The following MRPL4 variants were observed in gnomAD, a reference collection of about 807,000 sequenced individuals.
MRPL4 encodes mitochondrial ribosomal protein L4, also known as large ribosomal subunit protein uL4m.
Under a neutral mutation model 34.1 loss-of-function variants are expected in MRPL4, and 34 were observed. That is an observed-to-expected ratio of 1.00 (90% CI 0.76 to 1.33). The LOEUF (loss-of-function observed/expected upper bound fraction) is 1.33. Ranked by LOEUF, MRPL4 falls within the 40% of genes most tolerant of loss-of-function variation. The pLI, the probability that MRPL4 is intolerant of heterozygous loss-of-function variation, is 0.00. For missense variants in MRPL4, 402 were observed against 434.6 expected (o/e 0.92, Z 0.67); for synonymous variants, 196 against 188.3 (o/e 1.04, Z -0.33).
At chr19:10,258,188 GC>G in intron 5 of MRPL4, 33 bp from the exon 6 acceptor site, 1 of 1,487,160 alleles carries the variant, frequency 6.7e-7, no homozygotes. Context: ...CTCTGCAGTG[GC>G]CCCTACCTGC....
chr19:10,257,158 G>A (rs988407216), intron 5 of MRPL4, among the ~76,000 whole-genome samples: 2 of 151,978 alleles, frequency 1.3e-5, no homozygotes, highest in African/African-American at 4.8e-5. Flanking sequence ...CTAAATCGTG[G>A]AACCTGAACT....
At chr19:10,259,236 C>T (rs1163132834) in intron 8 of MRPL4, 33 of 1,326,468 alleles carry the variant, frequency 2.5e-5, no homozygotes, top group Admixed American at 1.5e-4. Flanking sequence ...TCGCTGGCTT[C>T]CCCACCTCTC....
At position 10,259,730 on chromosome 19, in the gene MRPL4, C is replaced by G; in HGVS notation, c.853C>G (p.Pro285Ala). 6.2e-7 allele frequency: 1 copy of G among 1,614,052 alleles called. No individual in the cohort carries two copies. The highest frequency in any genetic ancestry group is 1.6e-4 in the Middle Eastern group (1 of 6,062). The change falls in exon 9 of 9, where the codon CCC becomes GCC. Residue 285 changes from proline (P) to alanine (A), a missense_variant. Transcript: ENST00000253099. Reference sequence around the variant, plus strand: ...GGACTCACGTTACAGACCCCTCTACCCCTTCAGCCTGCCCTACAGCGACTT... The same window carrying G: ...GGACTCACGTTACAGACCCCTCTACGCCTTCAGCCTGCCCTACAGCGACTT... ...WQDSRYRPLY[P>A]FSLPYSDFPR...
intron 8 of MRPL4, 38 bp downstream of exon 8, chr19:10,258,723 C>T: frequency 6.2e-7 from 1 of 1,614,004 alleles, no homozygotes; most frequent in Non-Finnish European, 8.5e-7. Flanking sequence ...TGCGCATGTG[C>T]AGGCTCCGCT....
chr19:10,257,571 G>A (rs1452854692), intron 5 of MRPL4, among the ~76,000 whole-genome samples: 1 of 152,134 alleles, frequency 6.6e-6, no homozygotes, highest in Non-Finnish European at 1.5e-5. Flanking sequence ...CTTCTCTGCT[G>A]CATTTCCAAG....
At chr19:10,254,495 C>G (rs867940638) in intron 3 of MRPL4, 94 bp from the exon 4 acceptor site, 13 of 1,484,674 alleles carry the variant, frequency 8.8e-6, no homozygotes, top group South Asian at 8.3e-5. Flanking sequence ...GCCCAGGGCC[C>G]TGGAGGCAGA....
rs764935855 is a variant in MRPL4 at position 10,256,683 on chromosome 19, A to AC, written c.328-19dup. On this transcript the variant is annotated intron_variant, in intron 4 of 8. Transcript: ENST00000253099. ...CCCTGACACCTGCCTCGTGGACCTG[A>AC]CCCCCCTCCTCTTTGTGCCTCCAGA... 17 of 1,602,176 alleles carry AC rather than the reference A, an allele frequency of 1.1e-5. No homozygotes were observed. In the African/African-American group the frequency reaches 1.1e-4, roughly 10 times the overall value.
At chr19:10,252,034 G>A (rs1053652446), upstream of MRPL4, 43 of 559,740 alleles carry the variant, frequency 7.7e-5, no homozygotes, top group Non-Finnish European at 1.1e-4. Flanking sequence ...TGTTACGGAG[G>A]GTCCTTGAGG....
upstream of MRPL4, chr19:10,252,205 C>A (rs2039796743): frequency 6.6e-7 from 1 of 1,522,392 alleles, no homozygotes; most frequent in Non-Finnish European, 8.8e-7. Context: ...CGGCGCCTCG[C>A]GAGGCTCCAG....
In MRPL4 at chr19:10,256,926, G is replaced by T. The variant is rs569697437; in HGVS notation, c.445+101G>T. ...CTGCGCACATCTGGCATGGTATTAT[G>T]TCAGCCCTGTTCCCTCCACCTCATG... is the stretch of plus-strand genomic sequence containing the variant. On this transcript the variant is annotated intron_variant, in intron 5 of 8. Transcript: ENST00000253099. 5 of 996,742 alleles carry T rather than the reference G, an allele frequency of 5.0e-6. No individual in the cohort carries two copies. The African/African-American group carries it at 8.5e-5, about 17-fold the overall frequency. The allele number at this position is 996,742 out of a possible 1,614,324, so 61.7% of individuals were successfully genotyped here.
At chr19:10,252,131 C>A, upstream of MRPL4, 1 of 1,267,552 alleles carries the variant, frequency 7.9e-7, no homozygotes, top group African/African-American at 1.6e-5. Context: ...CGGTTTTGCA[C>A]ACCCCGCTTT....
intron 3 of MRPL4, among the ~76,000 whole-genome samples, chr19:10,253,485 A>AAAAAG (rs1791673929): frequency 6.7e-6 from 1 of 150,256 alleles, no homozygotes; most frequent in African/African-American, 2.5e-5. Flanking sequence ...AAAAAAAAAA[A>AAAAAG]AAAGAAAGAA....
rs772458861 is a variant in MRPL4, at chr19:10,259,598, GC to G, written c.740-14del. On this transcript the variant is annotated intron_variant, in intron 8 of 8. Transcript: ENST00000253099. The stretch of plus-strand genomic sequence containing the variant: ...CCCGGCCTGACCGGCCCCCCGCCCC[GC>G]CCCCACCCCGCCCCCAGGCCTAAAT... 1 of 642,516 alleles carries G rather than the reference GC, an allele frequency of 1.6e-6. No individual in the cohort carries two copies. The highest frequency in any genetic ancestry group is 1.9e-6 in the Non-Finnish European group (1 of 530,684). 39.8% of individuals were successfully genotyped at this position (642,516 alleles called of 1,614,324 possible). A position where few individuals can be genotyped will look rare whatever the true frequency, so the allele number is the denominator to read the frequency against.
Position 10,252,481 on chromosome 19 carries a change from G to A in MRPL4, c.124+18G>A, listed in dbSNP as rs1180339591. On this transcript the variant is annotated intron_variant, in intron 2 of 8. Transcript: ENST00000253099. Reference sequence around the variant, plus strand: ...GAGCGAGGGTAAGGCAACCGGGGTGGCTCCAGGAGGGGCGGCGACAGAGAG... The same window carrying A: ...GAGCGAGGGTAAGGCAACCGGGGTGACTCCAGGAGGGGCGGCGACAGAGAG... 3 of 1,613,930 alleles carry A rather than the reference G, an allele frequency of 1.9e-6. No homozygotes were observed. Among genetic ancestry groups the A allele is most frequent in the Non-Finnish European group, 2.5e-6 (3 of 1,179,926 alleles).
rs755249260 is a variant in MRPL4 at position 10,252,538 on chromosome 19, G to T, written c.125-13G>T. On this transcript the variant is annotated splice_polypyrimidine_tract_variant and intron_variant, in intron 2 of 8. Coordinates refer to ENST00000253099, the MANE Select transcript of MRPL4 (RefSeq NM_015956.3). ...CCCTTGACCCTAACCTCTGACCCCC[G>T]CAATCGCTCCAGGTCTCCCGGAGCC... The T allele has an allele frequency of 4.3e-6, 7 of 1,612,962 alleles. No individual in the cohort carries two copies. Among genetic ancestry groups the T allele is most frequent in the Non-Finnish European group, 5.9e-6 (7 of 1,179,400 alleles).
chr19:10,259,457 G>A (rs8104608), intron 8 of MRPL4, 160 bp from the exon 9 acceptor site: 251,556 of 1,429,256 alleles, frequency 0.18, 23,467 homozygotes, highest in African/African-American at 0.28. Context: ...GGCAACAAGC[G>A]GCCAGGCAGG....
intron 5 of MRPL4, 41 bp downstream of exon 5, chr19:10,256,866 G>GGGGGGGGGGGGTGGGGGGGGGGGGGC: frequency 2.6e-6 from 1 of 378,380 alleles, no homozygotes; most frequent in Non-Finnish European, 5.0e-6. Context: ...GGGTGGGGGG[G>GGGGGGGGGGGGTGGGGGGGGGGGGGC]CCAGGGAAGG....
Position 10,252,244 on chromosome 19 carries a change from C to G in MRPL4, c.-10C>G. Reference sequence around the variant, plus strand: ...CCTTGACCTCCCGCGGCGTGGGAGGCTGCGCGGCGATGCTGCAGTTCGTCC... The same window carrying G: ...CCTTGACCTCCCGCGGCGTGGGAGGGTGCGCGGCGATGCTGCAGTTCGTCC... On this transcript the variant is annotated 5_prime_UTR_variant, in exon 1 of 9. Coordinates refer to ENST00000253099, the MANE Select transcript of MRPL4 (RefSeq NM_015956.3). The G allele has an allele frequency of 1.3e-6, 2 of 1,599,156 alleles. No individual in the cohort carries two copies. Among genetic ancestry groups the G allele is most frequent in the Non-Finnish European group, 1.7e-6 (2 of 1,174,592 alleles).
At chr19:10,252,146 C>A, upstream of MRPL4, 1 of 1,352,766 alleles carries the variant, frequency 7.4e-7, no homozygotes, top group Non-Finnish European at 9.9e-7. Flanking sequence ...CGCTTTCCAG[C>A]GCGGAGTCGC....
Sources: gnomAD v4.1 joint callset for allele counts (sites outside exome capture counted in the v4.1 genomes callset) on GRCh38, gnomAD v4.1.1 for gene constraint, MANE v1.5 for transcripts, NCBI Gene and HGNC (gene_info 2026-07-23, HGNC 2026-07-21) for gene names.